Variants in NCOA2 observed in about 807,000 individuals in gnomAD.
The protein encoded by NCOA2 is class E basic helix-loop-helix protein 75.
Under a neutral mutation model 145.1 loss-of-function variants are expected in NCOA2, and 21 were observed. The observed-to-expected ratio is 0.14, with a 90% confidence interval of 0.10 to 0.21. NCOA2 has a LOEUF of 0.21. Ranked by LOEUF, NCOA2 falls within the 10% of genes least tolerant of loss-of-function variation. The pLI is 1.00. For synonymous variants in NCOA2, 619 were observed against 637.5 expected (o/e 0.97, Z 0.44); for missense variants, 1,472 against 1,837.6 (o/e 0.80, Z 3.64).
Position 70,141,236 on chromosome 8 carries a change from G to C in NCOA2, c.2976C>G (p.Pro992=). The C allele has an allele frequency of 6.2e-7, 1 of 1,613,878 alleles. No individual in the cohort carries two copies. Reference sequence around the variant, plus strand: ...TCTGTCTTTGGCCAGGCTGGCTGCTGGGCCTCATGGGGATGCTGGCTGCTG... The same window carrying C: ...TCTGTCTTTGGCCAGGCTGGCTGCTCGGCCTCATGGGGATGCTGGCTGCTG... ...RNPAASIPMR[P]SSQPGQRQTL... is the part of the protein sequence containing the mutation. The change falls in exon 14 of 23, where the codon CCC becomes CCG. Residue 992 remains proline, a synonymous_variant. Transcript: ENST00000452400.
At chr8:70,167,905 A>G (rs528465799) in intron 6 of NCOA2, among the ~76,000 whole-genome samples, 7 of 152,336 alleles carry the variant, frequency 4.6e-5, no homozygotes, top group Non-Finnish European at 1.0e-4. Flanking sequence ...TCTGATGTCC[A>G]AAGACATGTT....
At chr8:70,349,171 T>C (rs565924922) in intron 1 of NCOA2, among the ~76,000 whole-genome samples, 7 of 152,182 alleles carry the variant, frequency 4.6e-5, no homozygotes, top group Non-Finnish European at 1.0e-4. Flanking sequence ...AGTAACAGTA[T>C]AGTCCCTACT....
intron 2 of NCOA2, among the ~76,000 whole-genome samples, chr8:70,269,948 A>G (rs1480710824): frequency 6.6e-6 from 1 of 152,234 alleles, no homozygotes; most frequent in Non-Finnish European, 1.5e-5. Flanking sequence ...GACTAACGGC[A>G]ACCAGTAAAA....
chr8:70,190,904 G>A (rs1816611193), intron 4 of NCOA2, among the ~76,000 whole-genome samples: 2 of 152,146 alleles, frequency 1.3e-5, no homozygotes, highest in African/African-American at 2.4e-5. Flanking sequence ...CATTATAAAT[G>A]AGAAAAATCA....
At chr8:70,225,976 C>T (rs1468489007) in intron 2 of NCOA2, among the ~76,000 whole-genome samples, 1 of 152,010 alleles carries the variant, frequency 6.6e-6, no homozygotes, top group Non-Finnish European at 1.5e-5. Flanking sequence ...AGAAGAGCAG[C>T]TGGCATATAG....
intron 5 of NCOA2, among the ~76,000 whole-genome samples, chr8:70,173,961 T>C (rs1368854481): frequency 6.6e-6 from 1 of 152,230 alleles, no homozygotes; most frequent in African/African-American, 2.4e-5. Context: ...GCAAAGCTTC[T>C]GGCCATGCAG....
intron 4 of NCOA2, among the ~76,000 whole-genome samples, chr8:70,180,818 T>C (rs1343336467): frequency 1.3e-5 from 2 of 152,208 alleles, no homozygotes; most frequent in African/African-American, 4.8e-5. Flanking sequence ...GCAATCCTCC[T>C]GACTCAGCCT....
intron 2 of NCOA2, chr8:70,273,766 C>G: frequency 1.7e-6 from 1 of 597,678 alleles, no homozygotes; most frequent in South Asian, 1.4e-5. Flanking sequence ...CCACTTACTA[C>G]TGGAGAGAAT....
upstream of NCOA2, among the ~76,000 whole-genome samples, chr8:70,405,097 T>C (rs560265420): frequency 6.6e-6 from 1 of 152,260 alleles, no homozygotes; most frequent in South Asian, 2.1e-4. Context: ...ACACAAAAAA[T>C]TGAAGCTTAA....
intron 20 of NCOA2, 138 bp from the exon 21 acceptor site, chr8:70,124,220 G>C (rs1808152948): frequency 1.3e-6 from 1 of 772,850 alleles, no homozygotes; most frequent in African/African-American, 1.8e-5. Context: ...GAGACAGCCG[G>C]CAGGTGGTGG....
intron 1 of NCOA2, among the ~76,000 whole-genome samples, chr8:70,388,572 C>T (rs769531075): frequency 1.3e-5 from 2 of 152,162 alleles, no homozygotes; most frequent in Non-Finnish European, 2.9e-5. Context: ...TTTGCCTTCC[C>T]TAAGCGTAAG....
At chr8:70,205,007 C>T (rs185133299) in intron 4 of NCOA2, among the ~76,000 whole-genome samples, 72 of 152,000 alleles carry the variant, frequency 4.7e-4, no homozygotes, top group African/African-American at 1.7e-3. Context: ...GACCTTGTCT[C>T]AAAAAAAGAA....
intron 22 of NCOA2, among the ~76,000 whole-genome samples, chr8:70,120,162 T>A (rs1563475904): frequency 6.6e-6 from 1 of 152,210 alleles, no homozygotes; most frequent in Non-Finnish European, 1.5e-5. Context: ...TAGATATTAG[T>A]CCCTTGTTGG....
intron 1 of NCOA2, among the ~76,000 whole-genome samples, chr8:70,318,541 G>A (rs1219820538): frequency 6.6e-6 from 1 of 152,140 alleles, no homozygotes; most frequent in African/African-American, 2.4e-5. Context: ...AAGGAGGGCA[G>A]ATCACTTAAG....
At chr8:70,139,677 G>T (rs1057492973) in intron 14 of NCOA2, among the ~76,000 whole-genome samples, 4 of 135,496 alleles carry the variant, frequency 3.0e-5, no homozygotes, top group African/African-American at 8.8e-5. Flanking sequence ...TTTTGAGGAG[G>T]AGTCTCACTC....
intron 4 of NCOA2, among the ~76,000 whole-genome samples, chr8:70,212,529 A>T (rs953409557): frequency 6.6e-6 from 1 of 152,144 alleles, no homozygotes; most frequent in African/African-American, 2.4e-5. Context: ...TGCTATATGT[A>T]TATTTTTATG....
chr8:70,259,881 GAAATTA>G (rs1158427500), intron 2 of NCOA2, among the ~76,000 whole-genome samples: 1 of 152,182 alleles, frequency 6.6e-6, no homozygotes, highest in African/African-American at 2.4e-5. Flanking sequence ...TATGTAAACA[GAAATTA>G]AAATGGCTGA....
At chr8:70,152,738 T>TA (rs1400436337) in intron 11 of NCOA2, among the ~76,000 whole-genome samples, 3 of 152,326 alleles carry the variant, frequency 2.0e-5, no homozygotes, top group Admixed American at 6.5e-5. Context: ...CTCTGCTCGG[T>TA]AAAAAATGCT....
At chr8:70,178,648 A>T (rs1014754115) in intron 4 of NCOA2, among the ~76,000 whole-genome samples, 7 of 152,242 alleles carry the variant, frequency 4.6e-5, no homozygotes, top group African/African-American at 1.2e-4. Flanking sequence ...GCAAAAGTAT[A>T]CAACCCAACC....
Sources: gnomAD v4.1 joint callset for allele counts (sites outside exome capture counted in the v4.1 genomes callset) on GRCh38, gnomAD v4.1.1 for gene constraint, MANE v1.5 for transcripts, NCBI Gene and HGNC (gene_info 2026-07-23, HGNC 2026-07-21) for gene names.